JAM3: variants seen among roughly 807,000 people sequenced by gnomAD.
The protein encoded by JAM3 is junctional adhesion molecule C.
A neutral mutation model predicts 39.4 loss-of-function variants in JAM3; 31 were observed. The observed-to-expected ratio is 0.79, with a 90% CI of 0.59 to 1.06. The LOEUF is 1.06. Ranked by LOEUF, JAM3 falls within the 50% of genes least tolerant of loss-of-function variation. JAM3 has a pLI of 0.00. For missense variants in JAM3, 455 were observed against 391.4 expected (o/e 1.16, Z -1.37); for synonymous variants, 182 against 148.7 (o/e 1.22, Z -1.63).
chr11:134,103,955 A>G (rs191347870), intron 1 of JAM3, among the ~76,000 whole-genome samples: 43 of 152,324 alleles, frequency 2.8e-4, no homozygotes, highest in African/African-American at 9.9e-4. Context: ...GATCAACGAG[A>G]CAAAGTTAAC....
chr11:134,073,019 G>A (rs1430875968), intron 1 of JAM3, among the ~76,000 whole-genome samples: 1 of 152,244 alleles, frequency 6.6e-6, no homozygotes, highest in East Asian at 1.9e-4. Flanking sequence ...AGCAGTATAT[G>A]CAAATAGCTT....
At chr11:134,148,070 C>T (rs977499183) in intron 6 of JAM3, 5 of 218,130 alleles carry the variant, frequency 2.3e-5, no homozygotes, top group Non-Finnish European at 3.7e-5. Context: ...CTAGTTCTTA[C>T]CTAGGATTCT....
intron 1 of JAM3, among the ~76,000 whole-genome samples, chr11:134,106,243 G>A (rs1942183062): frequency 6.6e-6 from 1 of 151,954 alleles, no homozygotes; most frequent in African/African-American, 2.4e-5. Flanking sequence ...ACAAGAAATG[G>A]GGAAAGGATT....
At chr11:134,069,299 C>T (rs888824170) in intron 1 of JAM3, 140 bp downstream of exon 1, 1 of 1,173,580 alleles carries the variant, frequency 8.5e-7, no homozygotes, top group Non-Finnish European at 1.2e-6. Flanking sequence ...GCCGGAGGGG[C>T]GGCGCGCGCC....
intron 1 of JAM3, among the ~76,000 whole-genome samples, chr11:134,110,882 C>G (rs1392559160): frequency 6.6e-6 from 1 of 151,628 alleles, no homozygotes; most frequent in Non-Finnish European, 1.5e-5. Context: ...AAGTCCAAAA[C>G]CAAAAAATTG....
chr11:134,107,819 C>T lies in JAM3; in HGVS notation c.77-32032C>T, dbSNP rs187286341. On this transcript the variant is annotated intron_variant, in intron 1 of 8. Transcript: ENST00000299106. ...TTGAGGCTACAGTGAGCTAATATTACGCCACGGCACTCTGGCTAAGCAACA... is the reference window on the plus strand; with the variant it reads ...TTGAGGCTACAGTGAGCTAATATTATGCCACGGCACTCTGGCTAAGCAACA... Among the ~76,000 whole-genome samples, 881 of 151,986 alleles carry T rather than the reference C, an allele frequency of 5.8e-3. 7 individuals carry two copies. Among genetic ancestry groups the T allele is most frequent in the African/African-American group, 0.02 (816 of 41,460 alleles).
chr11:134,100,888 CTTAGTT>C (rs1274243359), intron 1 of JAM3, among the ~76,000 whole-genome samples: 1 of 152,134 alleles, frequency 6.6e-6, no homozygotes, highest in African/African-American at 2.4e-5. Context: ...TAGACAAACA[CTTAGTT>C]TTAAAGTAAA....
chr11:134,075,446 A>G (rs935557894), intron 1 of JAM3, among the ~76,000 whole-genome samples: 18 of 152,182 alleles, frequency 1.2e-4, no homozygotes, highest in Admixed American at 3.3e-4. Flanking sequence ...ACACCTGCCA[A>G]TTACTGAAAA....
chr11:134,070,744 C>G (rs1310059751), intron 1 of JAM3, among the ~76,000 whole-genome samples: 1 of 152,198 alleles, frequency 6.6e-6, no homozygotes, highest in Non-Finnish European at 1.5e-5. Flanking sequence ...GGCAGTTTAG[C>G]TCAGGAATGA....
In JAM3 at chr11:134,146,034, A is replaced by G. The variant is rs1323197697; in HGVS notation, c.701A>G (p.Glu234Gly). 6.2e-7 allele frequency: 1 copy of G among 1,612,248 alleles called. No homozygotes were observed. The highest frequency in any genetic ancestry group is 1.7e-5 in the Admixed American group (1 of 60,018). The change falls in exon 6 of 9, where the codon GAG (glutamate) becomes GGG (glycine). Residue 234 changes from glutamate to glycine, a missense_variant. Physicochemically the swap from Glu to Gly is moderately conservative, Grantham distance 98. Transcript: ENST00000299106. ...DAGSARCEEQ[E>G]MEVYDLNIGG... ...GGCTCAGCCAGGTGTGAGGAGCAGG[A>G]GATGGAAGTCTGTGAGTTTCTTTTT...
chr11:134,079,045 A>C (rs994947457), intron 1 of JAM3, among the ~76,000 whole-genome samples: 9 of 152,214 alleles, frequency 5.9e-5, no homozygotes, highest in Non-Finnish European at 1.2e-4. Flanking sequence ...GTTACAAAAC[A>C]AAACAGAATT....
intron 6 of JAM3, among the ~76,000 whole-genome samples, chr11:134,147,219 TGAG>T (rs1943089719): frequency 6.6e-6 from 1 of 151,924 alleles, no homozygotes; most frequent in African/African-American, 2.4e-5. Context: ...TCTGGGAGGC[TGAG>T]GCGGGTGGAT....
chr11:134,070,344 C>G, intron 1 of JAM3: 1 of 398,292 alleles, frequency 2.5e-6, no homozygotes, highest in Admixed American at 3.1e-5. Flanking sequence ...ACTGTCATCC[C>G]ATGATGTTTT....
At chr11:134,095,900 C>A (rs1365841003) in intron 1 of JAM3, among the ~76,000 whole-genome samples, 1 of 152,192 alleles carries the variant, frequency 6.6e-6, no homozygotes, top group East Asian at 1.9e-4. Flanking sequence ...CTTGCAAACA[C>A]TCAGTGGACA....
intron 3 of JAM3, 55 bp from the exon 4 acceptor site, chr11:134,144,186 A>T (rs886762085): frequency 1.2e-6 from 2 of 1,603,954 alleles, no homozygotes; most frequent in East Asian, 2.2e-5. Flanking sequence ...CACCCTCTTC[A>T]AGTGGCAAAG....
At chr11:134,133,856 A>C (rs1461856533) in intron 1 of JAM3, among the ~76,000 whole-genome samples, 1 of 152,196 alleles carries the variant, frequency 6.6e-6, no homozygotes, top group Non-Finnish European at 1.5e-5. Flanking sequence ...GGCTTTCAGC[A>C]AAAAGTACAA....
intron 1 of JAM3, among the ~76,000 whole-genome samples, chr11:134,118,908 C>T (rs895797714): frequency 2.6e-5 from 4 of 151,324 alleles, no homozygotes; most frequent in Non-Finnish European, 4.4e-5. Context: ...AAGGTGGCTG[C>T]TAGGTGGAGT....
chr11:134,138,758 G>A (rs781146879), intron 1 of JAM3, among the ~76,000 whole-genome samples: 3 of 152,188 alleles, frequency 2.0e-5, no homozygotes, highest in Non-Finnish European at 4.4e-5. Flanking sequence ...AGCAATTCAG[G>A]TATATTACAC....
intron 1 of JAM3, among the ~76,000 whole-genome samples, chr11:134,075,038 C>T (rs1405166941): frequency 7.0e-6 from 1 of 143,706 alleles, no homozygotes; most frequent in African/African-American, 2.6e-5. Flanking sequence ...TCCTTTAAAG[C>T]ATCTCTGTCA....
Sources: allele counts gnomAD v4.1 joint callset (sites outside exome capture counted in the v4.1 genomes callset), GRCh38; gene constraint gnomAD v4.1.1; transcripts MANE v1.5; gene names NCBI Gene and HGNC (gene_info 2026-07-23, HGNC 2026-07-21).